UBE2G1: variants seen among roughly 807,000 people sequenced by gnomAD.
UBE2G1 encodes ubiquitin conjugating enzyme E2 G1.
Under a neutral mutation model 22.7 loss-of-function variants are expected in UBE2G1, and 5 were observed. That is an observed-to-expected ratio of 0.22 (90% CI 0.12 to 0.46). UBE2G1 has a LOEUF of 0.46. Ranked by LOEUF, UBE2G1 falls within the 20% of genes least tolerant of loss-of-function variation. The pLI, the probability that UBE2G1 is intolerant of heterozygous loss-of-function variation, is 0.99. For missense variants in UBE2G1, 88 were observed against 203.9 expected, an observed-to-expected ratio of 0.43 and a Z score of 3.46; for synonymous variants, 74 against 67.5, an observed-to-expected ratio of 1.10 and a Z score of -0.47.
chr17:4,335,494 CAT>C (rs1969635540), intron 1 of UBE2G1, among the ~76,000 whole-genome samples: 1 of 152,180 alleles, frequency 6.6e-6, no homozygotes, highest in Non-Finnish European at 1.5e-5. Flanking sequence ...CACTAACAGA[CAT>C]TTTTGAACAT....
At chr17:4,302,954 T>C (rs1343550558) in intron 2 of UBE2G1, among the ~76,000 whole-genome samples, 1 of 152,128 alleles carries the variant, frequency 6.6e-6, no homozygotes, top group Admixed American at 6.6e-5. Flanking sequence ...CTCTGGAACA[T>C]CCAGGTGAAC....
At chr17:4,312,608 A>G (rs892860815) in intron 1 of UBE2G1, among the ~76,000 whole-genome samples, 1 of 149,388 alleles carries the variant, frequency 6.7e-6, no homozygotes, top group African/African-American at 2.5e-5. Flanking sequence ...AGGCAGGAAA[A>G]TGGCGTGAAC....
chr17:4,329,943 T>G (rs1287905135), intron 1 of UBE2G1, among the ~76,000 whole-genome samples: 1 of 151,948 alleles, frequency 6.6e-6, no homozygotes, highest in Non-Finnish European at 1.5e-5. Flanking sequence ...CAGTGAGAAA[T>G]TCCCTGATGA....
At chr17:4,312,711 A>AAAAAC (rs1567521161) in intron 1 of UBE2G1, among the ~76,000 whole-genome samples, 1 of 151,290 alleles carries the variant, frequency 6.6e-6, no homozygotes, top group African/African-American at 2.4e-5. Flanking sequence ...AAAAAAAAAA[A>AAAAAC]AAAACAAAAG....
chr17:4,293,323 C>T (rs962926979), intron 3 of UBE2G1, among the ~76,000 whole-genome samples: 1 of 152,168 alleles, frequency 6.6e-6, no homozygotes, highest in African/African-American at 2.4e-5. Context: ...TACTTCATTT[C>T]TTTCTTTTCT....
chr17:4,317,428 A>G (rs972309859), intron 1 of UBE2G1, among the ~76,000 whole-genome samples: 3 of 152,176 alleles, frequency 2.0e-5, no homozygotes, highest in African/African-American at 7.2e-5. Flanking sequence ...CTGAGGTGGG[A>G]GGACTGCTTG....
chr17:4,358,320 C>T (rs1969929904), intron 1 of UBE2G1, among the ~76,000 whole-genome samples: 1 of 152,106 alleles, frequency 6.6e-6, no homozygotes, highest in East Asian at 1.9e-4. Context: ...TGGAGTGTAG[C>T]GGTGGTGAAG....
At chr17:4,322,076 T>C (rs1969447018) in intron 1 of UBE2G1, among the ~76,000 whole-genome samples, 1 of 152,196 alleles carries the variant, frequency 6.6e-6, no homozygotes, top group South Asian at 2.1e-4. Context: ...TGACCAAGTA[T>C]TAAACTACTT....
chr17:4,344,592 C>T (rs552944295), intron 1 of UBE2G1, among the ~76,000 whole-genome samples: 12 of 151,300 alleles, frequency 7.9e-5, no homozygotes, highest in Admixed American at 2.6e-4. Flanking sequence ...CAGCCAGGTG[C>T]GGTGACTCAC....
At chr17:4,349,313 G>C (rs1969816918) in intron 1 of UBE2G1, among the ~76,000 whole-genome samples, 1 of 152,092 alleles carries the variant, frequency 6.6e-6, no homozygotes, top group Admixed American at 6.5e-5. Flanking sequence ...CATGAGAATG[G>C]TGTGACACCA....
rs370141433 is a variant in UBE2G1, at chr17:4,289,926, G to A, written c.248-518C>T. ...CAAAATTGTATTTTCTGAGAAAGGA[G>A]TATATTCAAATTCACAAAACAAACA... On this transcript the variant is annotated intron_variant, in intron 3 of 5. Transcript: ENST00000396981. 9.2e-5 allele frequency among the ~76,000 whole-genome samples: 14 copies of A among 152,218 alleles called. No individual in the cohort carries two copies. The East Asian group carries it at 2.1e-3, about 23-fold the overall frequency.
chr17:4,284,345 T>C (rs1006962922), intron 4 of UBE2G1, among the ~76,000 whole-genome samples: 1 of 151,968 alleles, frequency 6.6e-6, no homozygotes, highest in Non-Finnish European at 1.5e-5. Flanking sequence ...ACATCTGTAA[T>C]CTCAGCACTT....
In UBE2G1 at chr17:4,283,457, G is replaced by A. The variant is rs116444865; in HGVS notation, c.427-536C>T. Among the ~76,000 whole-genome samples the A allele has an allele frequency of 4.9e-3, 739 of 152,236 alleles. 6 individuals carry two copies. Among genetic ancestry groups the A allele is most frequent in the African/African-American group, 0.017 (718 of 41,550 alleles). On this transcript the variant is annotated intron_variant, in intron 4 of 5. Transcript: ENST00000396981. ...GGAGCTTGCTGTGACCTGAGATGGT[G>A]CCACTGCACTGCAGCCTGGACGACA...
chr17:4,324,938 G>C (rs1223419625), intron 1 of UBE2G1, among the ~76,000 whole-genome samples: 1 of 151,898 alleles, frequency 6.6e-6, no homozygotes, highest in African/African-American at 2.4e-5. Flanking sequence ...TTAGCCGGGC[G>C]TGGTGGCAGG....
intron 1 of UBE2G1, among the ~76,000 whole-genome samples, chr17:4,340,526 TAGTG>T (rs1198200181): frequency 1.3e-5 from 2 of 152,154 alleles, no homozygotes; most frequent in Non-Finnish European, 2.9e-5. Flanking sequence ...GTTCTCGTGA[TAGTG>T]AGTTCTCACG....
chr17:4,300,005 T>G (rs867846509), intron 2 of UBE2G1, among the ~76,000 whole-genome samples: 13 of 151,804 alleles, frequency 8.6e-5, no homozygotes, highest in Middle Eastern at 3.2e-3. Context: ...TTTTGTATCT[T>G]TAGTAGAGAC....
At chr17:4,362,730 C>G (rs1241630018) in intron 1 of UBE2G1, among the ~76,000 whole-genome samples, 1 of 152,110 alleles carries the variant, frequency 6.6e-6, no homozygotes, top group East Asian at 1.9e-4. Flanking sequence ...CGTGGTAGTA[C>G]ATGCCTGTAA....
intron 2 of UBE2G1, among the ~76,000 whole-genome samples, chr17:4,303,936 G>C (rs1267133726): frequency 6.6e-6 from 1 of 152,150 alleles, no homozygotes; most frequent in Non-Finnish European, 1.5e-5. Context: ...GAAAGGAAAA[G>C]AGAGATAAAA....
At chr17:4,347,819 CAGTGATCTTTGGTTTTTCTATT>C (rs951318870) in intron 1 of UBE2G1, among the ~76,000 whole-genome samples, 4 of 151,962 alleles carry the variant, frequency 2.6e-5, no homozygotes, top group African/African-American at 9.7e-5. Context: ...GATCTGTGAT[CAGTGATCTTTGGTTTTTCTATT>C]ATAATTGTTT....
Sources: allele counts gnomAD v4.1 joint callset (sites outside exome capture counted in the v4.1 genomes callset), GRCh38; gene constraint gnomAD v4.1.1; transcripts MANE v1.5; gene names NCBI Gene and HGNC (gene_info 2026-07-23, HGNC 2026-07-21).